Variants in LMTK3 observed in about 807,000 individuals in gnomAD.
The protein encoded by LMTK3 is serine/threonine-protein kinase LMTK3.
Under a neutral mutation model 116.7 loss-of-function variants are expected in LMTK3, and 27 were observed. That is an observed-to-expected ratio of 0.23 (90% confidence interval 0.17 to 0.32). The LOEUF (loss-of-function observed/expected upper bound fraction) is 0.32, where lower values mean the gene tolerates loss of function less well. Among genes scored for constraint, LMTK3 ranks in the 10% least tolerant of loss-of-function variants. LMTK3 has a pLI of 1.00. For missense variants in LMTK3, 1,764 were observed against 2,068.5 expected (o/e 0.85, Z 2.86); for synonymous variants, 965 against 971.0 (o/e 0.99, Z 0.11).
chr19:48,510,367 A>ACTGC lies in LMTK3; in HGVS notation c.210+88_210+91dup. 4 of 1,492,464 alleles carry ACTGC rather than the reference A, an allele frequency of 2.7e-6. No homozygotes were observed. The East Asian group carries it at 9.8e-5, about 37-fold the overall frequency. The allele number at this position is 1,492,464 out of a possible 1,614,324, so 92.5% of individuals were successfully genotyped here. ...CAAGCTGGAAGGTGCTCTCGGATTTACTGCCCCCTTCTCCCCACCAACCAC... is the reference window on the plus strand; with the variant it reads ...CAAGCTGGAAGGTGCTCTCGGATTTACTGCCTGCCCCCTTCTCCCCACCAACCAC... On this transcript the variant is annotated intron_variant, in intron 2 of 14. Coordinates refer to ENST00000600059, the MANE Select transcript of LMTK3 (RefSeq NM_001388485.1).
In LMTK3 at chr19:48,485,886, C is replaced by G. The variant is rs902870884; in HGVS notation, c.4367-97G>C. 4.8e-6 allele frequency: 6 copies of G among 1,255,740 alleles called. No individual in the cohort carries two copies. The Admixed American group carries it at 1.2e-4, about 25-fold the overall frequency. 77.8% of individuals were successfully genotyped at this position (1,255,740 alleles called of 1,614,324 possible). A position where few individuals can be genotyped will look rare whatever the true frequency, so the allele number is the denominator to read the frequency against. ...GCGGAAAAGCAAAGCCCTCACCCACCATGGCCCAAAAGATCTGCTCTGTTC... is the reference window on the plus strand; with the variant it reads ...GCGGAAAAGCAAAGCCCTCACCCACGATGGCCCAAAAGATCTGCTCTGTTC... On this transcript the variant is annotated intron_variant, in intron 14 of 14. Transcript: ENST00000600059.
intron 12 of LMTK3, among the ~76,000 whole-genome samples, chr19:48,493,193 C>T (rs1188346499): frequency 2.0e-5 from 3 of 152,090 alleles, no homozygotes; most frequent in Admixed American, 1.3e-4. Context: ...TTCCAGGCCC[C>T]GCCCCCGCTC....
Position 48,499,712 on chromosome 19 carries a change from G to C in LMTK3, c.1357C>G (p.Leu453Val), listed in dbSNP as rs895659189. 2.6e-6 allele frequency: 4 copies of C among 1,528,864 alleles called. No individual in the cohort carries two copies. The highest frequency in any genetic ancestry group is 3.5e-6 in the Non-Finnish European group (4 of 1,135,950). The allele number at this position is 1,528,864 out of a possible 1,614,324, so 94.7% of individuals were successfully genotyped here. A position where few individuals can be genotyped will look rare whatever the true frequency, so the allele number is the denominator to read the frequency against. Residue 453 changes from leucine (L) to valine (V), a missense_variant, in exon 11 of 15, where the codon CTA becomes GTA. This residue lies in a region of LMTK3 where 63 missense variants were observed against 65.0 expected (regional missense o/e 0.97). Transcript: ENST00000600059. ...RPGTLSSPFP[L>V]LDGFPGADPD... ...TCGGCTCCAGGGAAGCCATCCAGTA[G>C]GGGGAACGGTGAGGAGAGGGTCCCC...
chr19:48,502,856 C>A, intron 6 of LMTK3, 53 bp downstream of exon 6: 4 of 1,353,162 alleles, frequency 3.0e-6, no homozygotes, highest in Non-Finnish European at 4.2e-6. Context: ...GGCTTGGCCC[C>A]GGCCTTGTCC....
chr19:48,509,321 G>A, intron 4 of LMTK3, 116 bp downstream of exon 4: 1 of 906,846 alleles, frequency 1.1e-6, no homozygotes, highest in South Asian at 1.5e-5. Flanking sequence ...AGGCTGAGGG[G>A]GCATGGGGAG....
intron 14 of LMTK3, among the ~76,000 whole-genome samples, chr19:48,490,795 C>T (rs1972208317): frequency 6.6e-6 from 1 of 152,174 alleles, no homozygotes; most frequent in African/African-American, 2.4e-5. Flanking sequence ...CCGGCAAGTG[C>T]CAGGCCGGAG....
intron 14 of LMTK3, among the ~76,000 whole-genome samples, chr19:48,486,633 G>A (rs1972129523): frequency 6.6e-6 from 1 of 151,638 alleles, no homozygotes; most frequent in Non-Finnish European, 1.5e-5. Context: ...TGCCTCCTGG[G>A]TTCACGCCAT....
intron 14 of LMTK3, among the ~76,000 whole-genome samples, chr19:48,488,356 C>T (rs1334218948): frequency 1.3e-5 from 2 of 152,160 alleles, no homozygotes; most frequent in African/African-American, 4.8e-5. Flanking sequence ...TCCATTCCCA[C>T]AGCCCTGGCT....
Position 48,494,166 on chromosome 19 carries a change from C to A in LMTK3, c.3677-57G>T. Reference sequence around the variant, plus strand: ...CCCGGTGAAACTGAGGCAGGCCCTCCCACCTAGCTGTGTGGCCTCAGATAA... The same window carrying A: ...CCCGGTGAAACTGAGGCAGGCCCTCACACCTAGCTGTGTGGCCTCAGATAA... On this transcript the variant is annotated intron_variant, in intron 11 of 14. Coordinates refer to ENST00000600059, the MANE Select transcript of LMTK3 (RefSeq NM_001388485.1). The surrounding 1 kb of genome is among the most constrained non-coding windows in gnomAD (Gnocchi z 4.0). 7 of 1,061,182 alleles carry A rather than the reference C, an allele frequency of 6.6e-6. No homozygotes were observed. Among genetic ancestry groups the A allele is most frequent in the Non-Finnish European group, 7.0e-6 (6 of 860,138 alleles). The allele number at this position is 1,061,182 out of a possible 1,614,324, so 65.7% of individuals were successfully genotyped here.
At chr19:48,486,744 A>G (rs999637182) in intron 14 of LMTK3, among the ~76,000 whole-genome samples, 1 of 151,530 alleles carries the variant, frequency 6.6e-6, no homozygotes, top group Non-Finnish European at 1.5e-5. Context: ...TTACTGTGTT[A>G]GCCAGGATGG....
At position 48,500,593 on chromosome 19, in the gene LMTK3, G is replaced by A. The variant is rs1173212978; in HGVS notation, c.1151+403C>T. On this transcript the variant is annotated intron_variant, in intron 10 of 14. Transcript: ENST00000600059. This position sits in a 1 kb window ranked among gnomAD's most constrained non-coding sequence, Gnocchi z 4.0. ...GGTAGAGATTCAGAGGAGGTAACTG[G>A]GCTGGGGAGCTGGGTATTGAGACCC... Among the ~76,000 whole-genome samples the A allele has an allele frequency of 1.3e-5, 2 of 152,156 alleles. No individual in the cohort carries two copies. Among genetic ancestry groups the A allele is most frequent in the African/African-American group, 4.8e-5 (2 of 41,432 alleles).
chr19:48,499,478 T>C lies in LMTK3; in HGVS notation c.1591A>G (p.Ser531Gly). Residue 531 changes from serine (S) to glycine (G), a missense_variant, in exon 11 of 15, where the codon AGC (serine) becomes GGC (glycine). Coordinates refer to ENST00000600059, the MANE Select transcript of LMTK3 (RefSeq NM_001388485.1). ...TAGTACTCGCTGCTCACGGAGGGGCTGCGGGCGCTGATGACAGGCAGCACG... is the reference window on the plus strand; with the variant it reads ...TAGTACTCGCTGCTCACGGAGGGGCCGCGGGCGCTGATGACAGGCAGCACG... Reference protein sequence around the residue: ...PSVLPVISARSPSVSSEYYIR... With the variant: ...PSVLPVISARGPSVSSEYYIR... The C allele has an allele frequency of 7.1e-7, 1 of 1,412,878 alleles. No homozygotes were observed. Among genetic ancestry groups the C allele is most frequent in the Non-Finnish European group, 9.3e-7 (1 of 1,076,848 alleles). 87.5% of individuals were successfully genotyped at this position (1,412,878 alleles called of 1,614,324 possible).
intron 5 of LMTK3, among the ~76,000 whole-genome samples, chr19:48,506,012 G>A (rs1972562758): frequency 6.6e-6 from 1 of 151,086 alleles, no homozygotes; most frequent in South Asian, 2.1e-4. Flanking sequence ...TGTGGTGGTG[G>A]GCGCCTGTAA....
intron 14 of LMTK3, among the ~76,000 whole-genome samples, chr19:48,487,892 A>G (rs900836516): frequency 3.3e-5 from 5 of 152,072 alleles, no homozygotes; most frequent in African/African-American, 1.2e-4. Flanking sequence ...ACTTTGGGGT[A>G]TGTGGCATCT....
intron 7 of LMTK3, 86 bp downstream of exon 7, chr19:48,502,347 G>GC (rs1972485830): frequency 3.5e-6 from 5 of 1,439,292 alleles, no homozygotes; most frequent in Non-Finnish European, 4.7e-6. Flanking sequence ...TCATGGGTCC[G>GC]CCCCCCCTCT....
intron 5 of LMTK3, among the ~76,000 whole-genome samples, chr19:48,508,123 G>A (rs967478459): frequency 2.0e-5 from 3 of 152,110 alleles, no homozygotes; most frequent in Admixed American, 6.5e-5. Context: ...TGGCTGGGGT[G>A]AGGGGGACAT....
intron 4 of LMTK3, 26 bp from the exon 5 acceptor site, chr19:48,508,995 G>C: frequency 1.3e-6 from 2 of 1,508,326 alleles, no homozygotes; most frequent in South Asian, 2.4e-5. Context: ...CCAGGAGTCA[G>C]CGAGTGCCGT....
intron 1 of LMTK3, among the ~76,000 whole-genome samples, chr19:48,511,071 C>A (rs1260992109): frequency 6.6e-6 from 1 of 152,102 alleles, no homozygotes; most frequent in Non-Finnish European, 1.5e-5. Flanking sequence ...GGACGCTTGG[C>A]GCACACCGAT....
chr19:48,503,209 G>A (rs1972503915), intron 5 of LMTK3, among the ~76,000 whole-genome samples: 1 of 152,170 alleles, frequency 6.6e-6, no homozygotes, highest in African/African-American at 2.4e-5. Context: ...CACCACGCCT[G>A]GCTAATTTTT....
Sources: allele counts gnomAD v4.1 joint callset (sites outside exome capture counted in the v4.1 genomes callset), GRCh38; gene constraint gnomAD v4.1.1; regional missense constraint gnomAD v4.1.1; non-coding constraint Gnocchi (gnomAD v3.1); transcripts MANE v1.5; gene names NCBI Gene and HGNC (gene_info 2026-07-23, HGNC 2026-07-21).